The following LRRC4B variants were observed in gnomAD, a reference collection of about 807,000 sequenced individuals.
LRRC4B encodes leucine-rich repeat-containing protein 4B.
In LRRC4B, 1 loss-of-function variant was observed where a neutral mutation model predicts 7.3. The ratio of observed to expected loss-of-function variants is 0.14; its 90% CI spans 0.05 to 0.65. The LOEUF is 0.65. LRRC4B is among the 30% of genes least tolerant of loss of function. The pLI is 0.84. For missense variants in LRRC4B, 730 were observed against 1,041.6 expected (o/e 0.70, Z 4.12); for synonymous variants, 500 against 499.2 (o/e 1.00, Z -0.02).
intron 1 of LRRC4B, among the ~76,000 whole-genome samples, chr19:50,560,549 G>T (rs1400989155): frequency 1.3e-5 from 2 of 152,240 alleles, no homozygotes; most frequent in African/African-American, 4.8e-5. Flanking sequence ...GGATCCAGAA[G>T]ATCCTCCTTC....
rs1981349218 is a variant in LRRC4B, at chr19:50,537,689, G to GT, written c.297+10852dup. ...CGCGCCCGGCCGACTGTTCTTTTCT[G>GT]TAAGTGTGCTGTGAGTCATCATGAG... On this transcript the variant is annotated intron_variant, in intron 2 of 2. Coordinates refer to ENST00000652263, the MANE Select transcript of LRRC4B (RefSeq NM_001080457.2). The surrounding 1 kb of genome is among the most constrained non-coding windows in gnomAD (Gnocchi z 5.5). Among the ~76,000 whole-genome samples the GT allele has an allele frequency of 6.6e-6, 1 of 151,754 alleles. No individual in the cohort carries two copies.
intron 2 of LRRC4B, among the ~76,000 whole-genome samples, chr19:50,535,510 G>C (rs1471321091): frequency 6.6e-6 from 1 of 152,208 alleles, no homozygotes; most frequent in Admixed American, 6.5e-5. Context: ...AATCACAAAA[G>C]TTTAGCAAGC....
rs1981351188 is a variant in LRRC4B at position 50,537,738 on chromosome 19, A to C, written c.297+10804T>G. Among the ~76,000 whole-genome samples the C allele has an allele frequency of 6.6e-6, 1 of 152,092 alleles. No homozygotes were observed. Among genetic ancestry groups the C allele is most frequent in the African/African-American group, 2.4e-5 (1 of 41,398 alleles). On this transcript the variant is annotated intron_variant, in intron 2 of 2. Coordinates refer to ENST00000652263, the MANE Select transcript of LRRC4B (RefSeq NM_001080457.2). The surrounding 1 kb of genome is among the most constrained non-coding windows in gnomAD (Gnocchi z 5.5). ...AGAAAAAGTTAAGAAGAAACTGACA[A>C]AGTATGGGAAATCCTATTTGAAAAG...
At chr19:50,547,133 G>A (rs528360844) in intron 2 of LRRC4B, among the ~76,000 whole-genome samples, 10 of 152,340 alleles carry the variant, frequency 6.6e-5, no homozygotes, top group South Asian at 2.1e-4. Flanking sequence ...TGGATGGATC[G>A]GTGGAGACTG....
chr19:50,536,772 CTG>C (rs1017709764), intron 2 of LRRC4B, among the ~76,000 whole-genome samples: 82 of 152,224 alleles, frequency 5.4e-4, no homozygotes, highest in African/African-American at 1.8e-3. Flanking sequence ...GCACATCTGT[CTG>C]TGACTATTTA....
In LRRC4B at chr19:50,519,438, C is replaced by G; in HGVS notation, c.298-23G>C. The G allele has an allele frequency of 6.4e-7, 1 of 1,552,078 alleles. No homozygotes were observed. ...CACCTGGGGAGAGGGAGACACGGAT[C>G]AGTCACGGAGATACTGACGGGGACC... On this transcript the variant is annotated intron_variant, in intron 2 of 2. Transcript: ENST00000652263. This position sits in a 1 kb window ranked among gnomAD's most constrained non-coding sequence, Gnocchi z 8.1.
rs775046495 is a variant in LRRC4B at position 50,553,127 on chromosome 19, G to A, written c.-35-4254C>T. On this transcript the variant is annotated intron_variant, in intron 1 of 2. Coordinates refer to ENST00000652263, the MANE Select transcript of LRRC4B (RefSeq NM_001080457.2). The surrounding 1 kb of genome is among the most constrained non-coding windows in gnomAD (Gnocchi z 4.2). Reference sequence around the variant, plus strand: ...TGCGGAATCAGACCCCAGAATCAGAGGATCTTTCTCCCCACGCCCAGGCTA... The same window carrying A: ...TGCGGAATCAGACCCCAGAATCAGAAGATCTTTCTCCCCACGCCCAGGCTA... 6.6e-5 allele frequency among the ~76,000 whole-genome samples: 10 copies of A among 152,140 alleles called. No individual in the cohort carries two copies. Among genetic ancestry groups the A allele is most frequent in the Non-Finnish European group, 1.0e-4 (7 of 68,038 alleles).
chr19:50,551,613 T>A (rs1281606924), intron 1 of LRRC4B, among the ~76,000 whole-genome samples: 4 of 111,806 alleles, frequency 3.6e-5, no homozygotes, highest in African/African-American at 1.4e-4. Flanking sequence ...CTCCTGAGTC[T>A]CCCCCCTCAC....
intron 2 of LRRC4B, among the ~76,000 whole-genome samples, chr19:50,540,425 C>T (rs562931690): frequency 3.3e-5 from 5 of 152,246 alleles, no homozygotes; most frequent in Non-Finnish European, 5.9e-5. Flanking sequence ...TGCAGTGGCA[C>T]GATCTCAGCA....
At position 50,527,133 on chromosome 19, in the gene LRRC4B, C is replaced by T. The variant is rs537517803; in HGVS notation, c.298-7718G>A. 5.1e-4 allele frequency among the ~76,000 whole-genome samples: 77 copies of T among 151,132 alleles called. 1 individual carries two copies. The highest frequency in any genetic ancestry group is 6.9e-4 in the Non-Finnish European group (47 of 67,748). ...CTGCAAGCTCCGCCTCCTGGGTTCA[C>T]GCCATTCTCCTGCCTCAGCCTCCCG... On this transcript the variant is annotated intron_variant, in intron 2 of 2. Coordinates refer to ENST00000652263, the MANE Select transcript of LRRC4B (RefSeq NM_001080457.2).
In LRRC4B at chr19:50,568,359, C is replaced by T. The variant is rs1043793401; in HGVS notation, c.-451G>A. On this transcript the variant is annotated 5_prime_UTR_variant, in exon 1 of 3. Transcript: ENST00000652263. ...CCCACCCCCCCCCAGGCCCCGGCCC[C>T]GGCCCCGGCCCCCGCCTCGGACGGT... is the stretch of plus-strand genomic sequence containing the variant. 6.8e-6 allele frequency among the ~76,000 whole-genome samples: 1 copy of T among 147,500 alleles called. No individual in the cohort carries two copies. Among genetic ancestry groups the T allele is most frequent in the Non-Finnish European group, 1.5e-5 (1 of 66,076 alleles).
chr19:50,552,608 CCAT>C (rs1295762096), intron 1 of LRRC4B, among the ~76,000 whole-genome samples: 46 of 148,966 alleles, frequency 3.1e-4, no homozygotes, highest in African/African-American at 1.1e-3. Flanking sequence ...ATCCATCCAT[CCAT>C]CCATCCATCC....
In LRRC4B at chr19:50,517,553, C is replaced by T; in HGVS notation, c.*18G>A. The T allele has an allele frequency of 7.1e-7, 1 of 1,415,604 alleles. No individual in the cohort carries two copies. The highest frequency in any genetic ancestry group is 1.6e-5 in the South Asian group (1 of 61,478). 87.7% of individuals were successfully genotyped at this position (1,415,604 alleles called of 1,614,324 possible). On this transcript the variant is annotated 3_prime_UTR_variant, in exon 3 of 3. Coordinates refer to ENST00000652263, the MANE Select transcript of LRRC4B (RefSeq NM_001080457.2). The surrounding 1 kb of genome is among the most constrained non-coding windows in gnomAD (Gnocchi z 6.6). ...GGGTGGGGGGCTCCACGCCCCTCGCCCGCCCGGCCCCGCCGCCTCAGATCT... is the reference window on the plus strand; with the variant it reads ...GGGTGGGGGGCTCCACGCCCCTCGCTCGCCCGGCCCCGCCGCCTCAGATCT...
At chr19:50,544,985 G>A (rs560254178) in intron 2 of LRRC4B, among the ~76,000 whole-genome samples, 3 of 151,964 alleles carry the variant, frequency 2.0e-5, no homozygotes, top group African/African-American at 2.4e-5. Flanking sequence ...GGTGGGTGGC[G>A]CCTGTAATCC....
In LRRC4B at chr19:50,568,007, A is replaced by G. The variant is rs898992972; in HGVS notation, c.-99T>C. The G allele has an allele frequency of 2.1e-5, 3 of 145,944 alleles. No homozygotes were observed. The highest frequency in any genetic ancestry group is 2.3e-4 in the South Asian group (1 of 4,328). The allele number at this position is 145,944 out of a possible 1,614,324, so 9.0% of individuals were successfully genotyped here. ...GGCCCGTGGGGGGAGGACCCCCCCA[A>G]TGAGGCTCAGGAATTTGGGGTGCAA... On this transcript the variant is annotated 5_prime_UTR_variant, in exon 1 of 3. Transcript: ENST00000652263.
intron 2 of LRRC4B, among the ~76,000 whole-genome samples, chr19:50,538,062 C>CT (rs1981368094): frequency 6.6e-6 from 1 of 152,192 alleles, no homozygotes; most frequent in African/African-American, 2.4e-5. Flanking sequence ...TTCTTTCTTT[C>CT]TTTTTTGCCT....
In LRRC4B at chr19:50,556,880, G is replaced by A. The variant is rs1266772412; in HGVS notation, c.-35-8007C>T. Among the ~76,000 whole-genome samples, 1 of 152,052 alleles carries A rather than the reference G, an allele frequency of 6.6e-6. No homozygotes were observed. Among genetic ancestry groups the A allele is most frequent in the Non-Finnish European group, 1.5e-5 (1 of 67,992 alleles). On this transcript the variant is annotated intron_variant, in intron 1 of 2. Transcript: ENST00000652263. The surrounding 1 kb of genome is among the most constrained non-coding windows in gnomAD (Gnocchi z 4.2). ...GAGGGCGGGCACAGGGTGGGCCCCGGAACGTCCAGGAGGGAAGCCGGGAGG... is the reference window on the plus strand; with the variant it reads ...GAGGGCGGGCACAGGGTGGGCCCCGAAACGTCCAGGAGGGAAGCCGGGAGG...
intron 2 of LRRC4B, among the ~76,000 whole-genome samples, chr19:50,527,347 T>C (rs1162438303): frequency 1.7e-5 from 2 of 114,620 alleles, no homozygotes; most frequent in Non-Finnish European, 3.4e-5. Context: ...CTTTCTTTTT[T>C]CTTTTTTTTT....
At chr19:50,544,518 AT>A (rs1347305889) in intron 2 of LRRC4B, among the ~76,000 whole-genome samples, 3 of 148,584 alleles carry the variant, frequency 2.0e-5, no homozygotes, top group African/African-American at 7.4e-5. Flanking sequence ...AAAAAAAAAA[AT>A]AAATAAAAAT....
Sources: allele counts gnomAD v4.1 joint callset (sites outside exome capture counted in the v4.1 genomes callset), GRCh38; gene constraint gnomAD v4.1.1; non-coding constraint Gnocchi (gnomAD v3.1); transcripts MANE v1.5; gene names NCBI Gene and HGNC (gene_info 2026-07-23, HGNC 2026-07-21).